EPB41: variants seen among roughly 807,000 people sequenced by gnomAD.
The protein encoded by EPB41 is erythrocyte membrane protein band 4.1.
A neutral mutation model predicts 108.0 loss-of-function variants in EPB41; 65 were observed. The observed-to-expected ratio is 0.60, with a 90% CI of 0.49 to 0.74. The LOEUF (loss-of-function observed/expected upper bound fraction) is 0.74. Ranked by LOEUF, EPB41 falls within the 30% of genes least tolerant of loss-of-function variation. EPB41 has a pLI of 0.00. For missense variants in EPB41, 875 were observed against 1,037.0 expected (o/e 0.84, Z 2.15); for synonymous variants, 336 against 358.9 (o/e 0.94, Z 0.72).
intron 1 of EPB41, among the ~76,000 whole-genome samples, chr1:28,951,894 A>C (rs1355567513): frequency 6.6e-6 from 1 of 152,062 alleles, no homozygotes; most frequent in Non-Finnish European, 1.5e-5. Context: ...TAAATAAATA[A>C]ATAAAAATCA....
In EPB41 at chr1:29,018,571, T is replaced by G. The variant is rs1463826202; in HGVS notation, c.1124+129T>G. 5 of 969,086 alleles carry G rather than the reference T, an allele frequency of 5.2e-6. No homozygotes were observed. Among genetic ancestry groups the G allele is most frequent in the Non-Finnish European group, 8.1e-6 (5 of 614,600 alleles). The allele number at this position is 969,086 out of a possible 1,614,324, so 60.0% of individuals were successfully genotyped here. A position where few individuals can be genotyped will look rare whatever the true frequency, so the allele number is the denominator to read the frequency against. On this transcript the variant is annotated intron_variant, in intron 7 of 20. Transcript: ENST00000343067. This position sits in a 1 kb window ranked among gnomAD's most constrained non-coding sequence, Gnocchi z 4.4. ...GAAAGAGTCAGTTTCCTCCACTGTT[T>G]GACTTTGGGCAGGTTACTTAACCTC...
intron 15 of EPB41, 73 bp from the exon 16 acceptor site, chr1:29,064,909 T>C: frequency 1.2e-6 from 2 of 1,600,202 alleles, no homozygotes; most frequent in Non-Finnish European, 1.7e-6. Flanking sequence ...GCCCAGTCTC[T>C]GACGGGTTGC....
At chr1:29,101,289 C>T (rs1276596121) in intron 17 of EPB41, among the ~76,000 whole-genome samples, 1 of 152,010 alleles carries the variant, frequency 6.6e-6, no homozygotes, top group Non-Finnish European at 1.5e-5. Context: ...CAGGTAGGTA[C>T]CAACTAGGTA....
intron 16 of EPB41, among the ~76,000 whole-genome samples, chr1:29,078,237 G>A (rs1654927212): frequency 3.9e-5 from 6 of 152,010 alleles, no homozygotes; most frequent in Admixed American, 3.9e-4. Context: ...GAAAAAGAGG[G>A]GGTGAGATTT....
rs562263619 is a variant in EPB41 at position 29,026,295 on chromosome 1, G to A, written c.1125-4105G>A. Among the ~76,000 whole-genome samples, 10 of 152,308 alleles carry A rather than the reference G, an allele frequency of 6.6e-5. No homozygotes were observed. The South Asian group carries it at 2.1e-3, about 32-fold the overall frequency. On this transcript the variant is annotated intron_variant, in intron 7 of 20. Coordinates refer to ENST00000343067, the MANE Select transcript of EPB41 (RefSeq NM_001376013.1). ...AAAGTGAGACACAAATTATGGAAAG[G>A]GAGAAACTAAAATGAACCCTGTTAG...
At chr1:28,964,210 C>T (rs2095301796) in intron 1 of EPB41, among the ~76,000 whole-genome samples, 1 of 152,118 alleles carries the variant, frequency 6.6e-6, no homozygotes, top group Admixed American at 6.6e-5. Context: ...GAGGTTGAGG[C>T]GGGCGATCAC....
In EPB41 at chr1:29,047,295, G is replaced by C. The variant is rs182974095; in HGVS notation, c.1637-5809G>C. 6.3e-5 allele frequency among the ~76,000 whole-genome samples: 8 copies of C among 127,352 alleles called. No homozygotes were observed. In the East Asian group the frequency reaches 2.1e-3, roughly 34 times the overall value. The allele number at this position is 127,352 out of a possible 152,430, so 83.5% of individuals were successfully genotyped here. A position where few individuals can be genotyped will look rare whatever the true frequency, so the allele number is the denominator to read the frequency against. On this transcript the variant is annotated intron_variant, in intron 11 of 20. Coordinates refer to ENST00000343067, the MANE Select transcript of EPB41 (RefSeq NM_001376013.1). The stretch of plus-strand genomic sequence containing the variant: ...GGAGAGAGAGTCTTAGCTCTCTCAG[G>C]CTGGAGTGCAGTAGTGCCGTCATAG...
At chr1:28,944,546 T>TTG (rs1319605702) in intron 1 of EPB41, among the ~76,000 whole-genome samples, 1 of 110,992 alleles carries the variant, frequency 9.0e-6, no homozygotes, top group African/African-American at 3.3e-5. Context: ...TTTTTTTTTT[T>TTG]TTTTTTTTTT....
At chr1:28,907,004 C>T (rs975285126) in intron 1 of EPB41, among the ~76,000 whole-genome samples, 4 of 151,802 alleles carry the variant, frequency 2.6e-5, no homozygotes, top group Admixed American at 2.6e-4. Context: ...ATCTCCTGAC[C>T]TCATGATCTG....
At chr1:28,992,469 A>G (rs1269178461) in intron 2 of EPB41, among the ~76,000 whole-genome samples, 1 of 152,160 alleles carries the variant, frequency 6.6e-6, no homozygotes, top group Non-Finnish European at 1.5e-5. Flanking sequence ...CGGGCAGATC[A>G]TGAGGTCAGG....
chr1:28,997,382 A>T, intron 4 of EPB41, 63 bp downstream of exon 4: 2 of 1,007,120 alleles, frequency 2.0e-6, no homozygotes, highest in Non-Finnish European at 3.2e-6. Context: ...TTTTGTTGTT[A>T]AGAATGTATC....
rs768748075 is a variant in EPB41 at position 28,964,606 on chromosome 1, C to CAAAT, written c.-7-22805_-7-22802dup. ...ACAGAGTGAGAGTGAGACTCTGTCT[C>CAAAT]AAATAAATAAATAAATAAATAAAAT... is the stretch of plus-strand genomic sequence containing the variant. On this transcript the variant is annotated intron_variant, in intron 1 of 20. Transcript: ENST00000343067. 3.6e-3 allele frequency among the ~76,000 whole-genome samples: 546 copies of CAAAT among 151,654 alleles called. 4 individuals carry two copies. Among genetic ancestry groups the CAAAT allele is most frequent in the African/African-American group, 0.012 (502 of 41,316 alleles).
At chr1:29,101,529 G>A (rs1044820959) in intron 17 of EPB41, among the ~76,000 whole-genome samples, 3 of 151,716 alleles carry the variant, frequency 2.0e-5, no homozygotes, top group South Asian at 2.1e-4. Flanking sequence ...TTAGCCAGGC[G>A]TGGTGGCGTG....
At chr1:29,038,156 G>T (rs1340756846) in intron 10 of EPB41, among the ~76,000 whole-genome samples, 1 of 152,028 alleles carries the variant, frequency 6.6e-6, no homozygotes, top group East Asian at 1.9e-4. Context: ...AAAATTCAAG[G>T]AAATTAATAT....
chr1:28,893,668 G>A (rs1320193407), intron 1 of EPB41: 2 of 152,278 alleles, frequency 1.3e-5, no homozygotes, highest in Non-Finnish European at 2.9e-5. Context: ...GGCAGAGGGA[G>A]GGCAGGGTTC....
chr1:29,062,244 A>G (rs1165709871), intron 15 of EPB41, among the ~76,000 whole-genome samples: 1 of 152,232 alleles, frequency 6.6e-6, no homozygotes, highest in Admixed American at 6.5e-5. Flanking sequence ...GCAGTGTAAC[A>G]TCTTGAAATT....
intron 1 of EPB41, among the ~76,000 whole-genome samples, chr1:28,906,087 G>A (rs2091806228): frequency 6.6e-6 from 1 of 152,046 alleles, no homozygotes. Flanking sequence ...CCAAAGTGTT[G>A]GGATTATAGG....
chr1:28,977,973 C>G (rs1348968984), intron 1 of EPB41, among the ~76,000 whole-genome samples: 5 of 144,352 alleles, frequency 3.5e-5, no homozygotes, highest in African/African-American at 1.4e-4. Flanking sequence ...TTTTTAAGAA[C>G]ATAGATGCAA....
chr1:28,892,698 T>TCAAA (rs540251586), intron 1 of EPB41, among the ~76,000 whole-genome samples: 1 of 150,486 alleles, frequency 6.6e-6, no homozygotes, highest in Non-Finnish European at 1.5e-5. Flanking sequence ...AAACTCTGTC[T>TCAAA]CAAACAAACA....
Sources: allele counts gnomAD v4.1 joint callset (sites outside exome capture counted in the v4.1 genomes callset), GRCh38; gene constraint gnomAD v4.1.1; non-coding constraint Gnocchi (gnomAD v3.1); transcripts MANE v1.5; gene names NCBI Gene and HGNC (gene_info 2026-07-23, HGNC 2026-07-21).